Variants in PRUNE2 observed in about 807,000 individuals in gnomAD.
The protein encoded by PRUNE2 is prune homolog 2 with BCH domain.
In PRUNE2, 164 loss-of-function variants were observed where a neutral mutation model predicts 252.0. That is an observed-to-expected ratio of 0.65 (90% CI 0.57 to 0.74). The LOEUF is 0.74. Among genes scored for constraint, PRUNE2 ranks in the 30% least tolerant of loss-of-function variants. The probability of loss-of-function intolerance (pLI) is 0.00; values close to 1 mark genes in which losing one functional copy is unlikely to be tolerated. For synonymous variants in PRUNE2, 1,292 were observed against 1,350.2 expected (o/e 0.96, Z 0.94); for missense variants, 3,495 against 3,711.0 (o/e 0.94, Z 1.51).
chr9:76,649,259 C>G (rs1481953178), intron 11 of PRUNE2, among the ~76,000 whole-genome samples: 6 of 152,192 alleles, frequency 3.9e-5, no homozygotes, highest in Non-Finnish European at 8.8e-5. Context: ...GTGTATTATT[C>G]TTCCTCTGCA....
chr9:76,626,379 T>TAAAA, intron 16 of PRUNE2, among the ~76,000 whole-genome samples: 1 of 152,188 alleles, frequency 6.6e-6, no homozygotes, highest in Non-Finnish European at 1.5e-5. Context: ...TATTCAGTGA[T>TAAAA]AAAAAGGAGC....
chr9:76,883,241 T>C (rs531607338), intron 1 of PRUNE2, among the ~76,000 whole-genome samples: 3 of 152,226 alleles, frequency 2.0e-5, no homozygotes, highest in South Asian at 2.1e-4. Flanking sequence ...CAGTTGCAAA[T>C]AGAAAAAACC....
intron 1 of PRUNE2, among the ~76,000 whole-genome samples, chr9:76,899,273 C>T (rs1165223081): frequency 6.6e-6 from 1 of 152,218 alleles, no homozygotes; most frequent in African/African-American, 2.4e-5. Context: ...CATTCCTCTC[C>T]TCTGCCTCTC....
rs544937199 is a variant in PRUNE2, at chr9:76,709,917, G to A, written c.2357C>T (p.Thr786Ile). The A allele has an allele frequency of 6.2e-7, 1 of 1,613,838 alleles. No individual in the cohort carries two copies. Among genetic ancestry groups the A allele is most frequent in the South Asian group, 1.1e-5 (1 of 91,060 alleles). Residue 786 changes from threonine (T) to isoleucine (I), a missense_variant, in exon 8 of 19, where the codon ACA becomes ATA. Coordinates refer to ENST00000376718, the MANE Select transcript of PRUNE2 (RefSeq NM_015225.3). ...TAMPEPWGNPTDDGEPAAVAP... is the reference protein window; with the variant it reads ...TAMPEPWGNPIDDGEPAAVAP... ...CACAGCTGCTGGTTCACCATCATCT[G>A]TAGGATTTCCCCAGGGCTCGGGCAT...
chr9:76,892,774 A>T (rs2062563147), intron 1 of PRUNE2, among the ~76,000 whole-genome samples: 1 of 152,212 alleles, frequency 6.6e-6, no homozygotes, highest in Admixed American at 6.5e-5. Flanking sequence ...TTTTAGTTTT[A>T]ATTTTTTCTT....
chr9:76,885,929 C>T (rs999659805), intron 1 of PRUNE2, among the ~76,000 whole-genome samples: 4 of 151,890 alleles, frequency 2.6e-5, no homozygotes, highest in Non-Finnish European at 5.9e-5. Context: ...CCTATAATCC[C>T]AGCACTTTGG....
intron 12 of PRUNE2, among the ~76,000 whole-genome samples, chr9:76,641,049 C>G (rs1406512816): frequency 6.6e-6 from 1 of 152,098 alleles, no homozygotes; most frequent in Non-Finnish European, 1.5e-5. Flanking sequence ...AATGGCAGTT[C>G]AGCTCACTGT....
intron 6 of PRUNE2, chr9:76,785,870 A>G (rs1251952620): frequency 3.3e-5 from 5 of 152,152 alleles, no homozygotes; most frequent in African/African-American, 7.2e-5. Flanking sequence ...ACCATATCTC[A>G]TTATTCTCCA....
intron 9 of PRUNE2, among the ~76,000 whole-genome samples, chr9:76,676,496 A>T (rs2042613455): frequency 6.6e-6 from 1 of 152,176 alleles, no homozygotes. Context: ...GCATTTTTAG[A>T]TATGGATAAT....
intron 6 of PRUNE2, among the ~76,000 whole-genome samples, chr9:76,747,298 C>G (rs7852087): frequency 1.3e-5 from 2 of 152,096 alleles, no homozygotes; most frequent in East Asian, 3.8e-4. Flanking sequence ...ATTCTTTTAA[C>G]GAGAATCAGT....
intron 6 of PRUNE2, among the ~76,000 whole-genome samples, chr9:76,776,373 G>T (rs1455725180): frequency 6.6e-6 from 1 of 152,108 alleles, no homozygotes; most frequent in African/African-American, 2.4e-5. Flanking sequence ...CCACTTACAA[G>T]TGAGACCATG....
rs2046399275 is a variant in PRUNE2, at chr9:76,707,596, A to G, written c.4678T>C (p.Trp1560Arg). ...LNDSSVALSS[W>R]GQQPSSGYQE... The stretch of plus-strand genomic sequence containing the variant: ...TACCCAGAACTGGGTTGCTGGCCCC[A>G]GGAGGACAGTGCAACTGAAGAGTCA... The change falls in exon 8 of 19, where the codon TGG becomes CGG. Residue 1560 changes from tryptophan to arginine, a missense_variant. Physicochemically the swap from Trp to Arg is moderately radical, Grantham distance 101 (BLOSUM62 -3). Coordinates refer to ENST00000376718, the MANE Select transcript of PRUNE2 (RefSeq NM_015225.3). The G allele has an allele frequency of 6.2e-7, 1 of 1,613,956 alleles. No individual in the cohort carries two copies. Among genetic ancestry groups the G allele is most frequent in the Non-Finnish European group, 8.5e-7 (1 of 1,179,878 alleles).
chr9:76,637,602 C>A (rs1212423776), intron 13 of PRUNE2, 53 bp from the exon 14 acceptor site: 21 of 1,507,830 alleles, frequency 1.4e-5, no homozygotes, highest in Non-Finnish European at 1.9e-5. Context: ...CTATTGACAC[C>A]ATAATTACAT....
intron 1 of PRUNE2, among the ~76,000 whole-genome samples, chr9:76,856,241 A>G (rs766662363): frequency 6.6e-6 from 1 of 152,234 alleles, no homozygotes; most frequent in Non-Finnish European, 1.5e-5. Context: ...TATTAATGCC[A>G]TAATGACTTC....
At chr9:76,670,742 C>A (rs7857022) in intron 9 of PRUNE2, among the ~76,000 whole-genome samples, 2 of 151,850 alleles carry the variant, frequency 1.3e-5, no homozygotes, top group East Asian at 3.9e-4. Flanking sequence ...GGGTCCCTGA[C>A]CCCTGACCCC....
intron 1 of PRUNE2, among the ~76,000 whole-genome samples, chr9:76,856,170 G>C (rs917557585): frequency 2.0e-5 from 3 of 152,154 alleles, no homozygotes; most frequent in African/African-American, 7.2e-5. Flanking sequence ...GTCTGTGATG[G>C]ACCAGGGTGG....
rs1446990543 is a variant in PRUNE2, at chr9:76,614,606, A to C, written c.9237-6T>G. ...CTTTCAGCTTCAAGTCAATACTGCA[A>C]AGAAAAGAAAAAGAGAGAGAAACAT... On this transcript the variant is annotated splice_region_variant and splice_polypyrimidine_tract_variant and intron_variant, in intron 18 of 18. Coordinates refer to ENST00000376718, the MANE Select transcript of PRUNE2 (RefSeq NM_015225.3). The C allele has an allele frequency of 6.2e-7, 1 of 1,609,108 alleles. No individual in the cohort carries two copies. The highest frequency in any genetic ancestry group is 1.1e-5 in the South Asian group (1 of 90,788).
chr9:76,627,565 C>T (rs750031912), intron 16 of PRUNE2, among the ~76,000 whole-genome samples: 2 of 152,094 alleles, frequency 1.3e-5, no homozygotes, highest in Non-Finnish European at 2.9e-5. Flanking sequence ...ATGAACACTC[C>T]GTTTGATTCA....
chr9:76,742,276 C>T (rs1477207915), intron 6 of PRUNE2, among the ~76,000 whole-genome samples: 4 of 151,958 alleles, frequency 2.6e-5, no homozygotes, highest in African/African-American at 9.7e-5. Context: ...TTATGATAAA[C>T]AAATATTAAT....
Sources: gnomAD v4.1 joint callset for allele counts (sites outside exome capture counted in the v4.1 genomes callset) on GRCh38, gnomAD v4.1.1 for gene constraint, MANE v1.5 for transcripts, NCBI Gene and HGNC (gene_info 2026-07-23, HGNC 2026-07-21) for gene names.